Variants in ENTHD1 observed in about 807,000 individuals in gnomAD.
ENTHD1 encodes ENTH domain-containing protein 1.
In ENTHD1, 23 loss-of-function variants were observed where a neutral mutation model predicts 39.1. That is an observed-to-expected ratio of 0.59 (90% CI 0.42 to 0.83). ENTHD1 has a LOEUF of 0.83. Among genes scored for constraint, ENTHD1 ranks in the 40% least tolerant of loss-of-function variants. ENTHD1 has a pLI of 0.00. For missense variants in ENTHD1, 624 were observed against 705.4 expected (o/e 0.88, Z 1.31); for synonymous variants, 230 against 258.2 (o/e 0.89, Z 1.05).
chr22:39,780,812 C>T (rs1303098074), intron 5 of ENTHD1, among the ~76,000 whole-genome samples: 2 of 152,116 alleles, frequency 1.3e-5, no homozygotes, highest in African/African-American at 4.8e-5. Flanking sequence ...TGCTGGCTAA[C>T]ACAGTGAAAC....
intron 2 of ENTHD1, among the ~76,000 whole-genome samples, chr22:39,868,647 G>A (rs1393954501): frequency 1.3e-5 from 2 of 152,136 alleles, no homozygotes; most frequent in Middle Eastern, 3.2e-3. Flanking sequence ...CAGCTAACGA[G>A]CTTCTGCACA....
At chr22:39,844,572 T>A (rs188394505) in intron 3 of ENTHD1, among the ~76,000 whole-genome samples, 1,662 of 152,194 alleles carry the variant, frequency 0.011, 31 homozygotes, top group African/African-American at 0.038. Flanking sequence ...GAGGTTTTTT[T>A]AAAAAAGTCA....
chr22:39,874,045 G>T (rs988184566), intron 2 of ENTHD1, among the ~76,000 whole-genome samples: 1 of 152,164 alleles, frequency 6.6e-6, no homozygotes, highest in Non-Finnish European at 1.5e-5. Context: ...ATCTTATGTG[G>T]ATGGTGGCAG....
intron 2 of ENTHD1, chr22:39,875,568 G>T (rs994705853): frequency 1.2e-6 from 2 of 1,610,992 alleles, no homozygotes; most frequent in South Asian, 2.2e-5. Context: ...GAATACCGCC[G>T]CCTTGAAGTT....
chr22:39,803,286 C>T (rs112732410), intron 5 of ENTHD1, among the ~76,000 whole-genome samples: 9,158 of 151,822 alleles, frequency 0.06, 380 homozygotes, highest in South Asian at 0.12. Flanking sequence ...TCTCGATTTG[C>T]GCTTCCCTCT....
intron 4 of ENTHD1, among the ~76,000 whole-genome samples, chr22:39,827,946 A>G (rs935225408): frequency 6.6e-6 from 1 of 152,244 alleles, no homozygotes; most frequent in African/African-American, 2.4e-5. Flanking sequence ...GTGTATACGT[A>G]TATAGATAAA....
chr22:39,809,607 A>G (rs1396027351), intron 5 of ENTHD1, among the ~76,000 whole-genome samples: 1 of 152,134 alleles, frequency 6.6e-6, no homozygotes, highest in East Asian at 1.9e-4. Flanking sequence ...ATTACATACA[A>G]TTTGCTCAGC....
chr22:39,848,998 C>T (rs73888185), intron 3 of ENTHD1, among the ~76,000 whole-genome samples: 4,175 of 152,198 alleles, frequency 0.027, 198 homozygotes, highest in African/African-American at 0.096. Context: ...CCACTTCTGT[C>T]ATTTACTGAT....
chr22:39,803,018 CT>C (rs2065611114), intron 5 of ENTHD1, among the ~76,000 whole-genome samples: 1 of 152,190 alleles, frequency 6.6e-6, no homozygotes, highest in South Asian at 2.1e-4. Context: ...ACTTCCTCCC[CT>C]ATCTCCAATT....
intron 3 of ENTHD1, among the ~76,000 whole-genome samples, chr22:39,843,656 G>A (rs934596280): frequency 6.6e-6 from 1 of 152,094 alleles, no homozygotes; most frequent in African/African-American, 2.4e-5. Flanking sequence ...AGGCAGGCAG[G>A]AAGGATCGGG....
chr22:39,830,713 G>T (rs181050111), intron 4 of ENTHD1, among the ~76,000 whole-genome samples: 158 of 152,224 alleles, frequency 1.0e-3, no homozygotes, highest in Non-Finnish European at 7.2e-4. Context: ...ATTCAGCAAT[G>T]AATAAAGACT....
chr22:39,824,313 G>A (rs966207938), intron 4 of ENTHD1, among the ~76,000 whole-genome samples: 3 of 139,236 alleles, frequency 2.2e-5, no homozygotes, highest in African/African-American at 5.4e-5. Flanking sequence ...GGGTTCAAAC[G>A]ATTTTCCTGC....
intron 2 of ENTHD1, among the ~76,000 whole-genome samples, chr22:39,885,091 C>T (rs144882591): frequency 5.6e-4 from 86 of 152,302 alleles, no homozygotes; most frequent in African/African-American, 2.0e-3. Context: ...AAGATACTTG[C>T]ATATCACCTT....
At chr22:39,861,709 T>C (rs2034534038) in intron 3 of ENTHD1, 56 bp downstream of exon 3, 1 of 1,314,192 alleles carries the variant, frequency 7.6e-7, no homozygotes, top group Non-Finnish European at 9.9e-7. Context: ...TTTTATATTT[T>C]TAAATCATTT....
chr22:39,776,580 T>C (rs916163714), intron 5 of ENTHD1, among the ~76,000 whole-genome samples: 7 of 152,242 alleles, frequency 4.6e-5, no homozygotes, highest in Non-Finnish European at 1.0e-4. Flanking sequence ...TTGATTATTC[T>C]TGACAGTTAT....
intron 3 of ENTHD1, among the ~76,000 whole-genome samples, chr22:39,842,005 T>G (rs1012664678): frequency 1.5e-4 from 23 of 151,714 alleles, no homozygotes; most frequent in African/African-American, 5.6e-4. Flanking sequence ...AAGCTTAGTT[T>G]GGCTGGATAT....
At chr22:39,841,757 G>T (rs2065945795) in intron 3 of ENTHD1, among the ~76,000 whole-genome samples, 5 of 151,432 alleles carry the variant, frequency 3.3e-5, no homozygotes, top group Non-Finnish European at 7.4e-5. Flanking sequence ...ATATTGTTAT[G>T]TGTGAATTTG....
At chr22:39,828,025 A>T (rs1044756804) in intron 4 of ENTHD1, among the ~76,000 whole-genome samples, 4 of 152,244 alleles carry the variant, frequency 2.6e-5, no homozygotes, top group African/African-American at 9.6e-5. Context: ...AAAAAAGCAT[A>T]TCTTGAAATA....
intron 4 of ENTHD1, among the ~76,000 whole-genome samples, chr22:39,831,923 G>A (rs764866164): frequency 7.2e-5 from 11 of 152,180 alleles, no homozygotes; most frequent in South Asian, 2.1e-4. Context: ...TTAATTTACC[G>A]GAATAAATCA....
Sources: allele counts gnomAD v4.1 joint callset (sites outside exome capture counted in the v4.1 genomes callset), GRCh38; gene constraint gnomAD v4.1.1; transcripts MANE v1.5; gene names NCBI Gene and HGNC (gene_info 2026-07-23, HGNC 2026-07-21).